Variants in SPECC1 observed in about 807,000 individuals in gnomAD.
SPECC1 encodes the protein sperm antigen with calponin homology and coiled-coil domains 1.
A neutral mutation model predicts 104.1 loss-of-function variants in SPECC1; 62 were observed. That is an observed-to-expected ratio of 0.60 (90% CI 0.49 to 0.74). The LOEUF (loss-of-function observed/expected upper bound fraction) is 0.74. SPECC1 is among the 30% of genes least tolerant of loss of function. The pLI is 0.00. For missense variants in SPECC1, 1,306 were observed against 1,310.5 expected (o/e 1.00, Z 0.05); for synonymous variants, 513 against 501.6 (o/e 1.02, Z -0.30).
rs929391165 is a variant in SPECC1 at position 20,230,816 on chromosome 17, T to C, written c.2072-942T>C. Among the ~76,000 whole-genome samples, 3 of 152,270 alleles carry C rather than the reference T, an allele frequency of 2.0e-5. 1 individual carries two copies. Among genetic ancestry groups the C allele is most frequent in the South Asian group, 2.1e-4 (1 of 4,828 alleles). On this transcript the variant is annotated intron_variant, in intron 5 of 14. Coordinates refer to ENST00000395527, the MANE Select transcript of SPECC1 (RefSeq NM_001243439.2). ...ATCACTTCTTCCTATAAGATCCTGA[T>C]GGGAAAGGAATGGACTGGAAAATAA...
chr17:20,010,633 G>C (rs1232043848), intron 1 of SPECC1, among the ~76,000 whole-genome samples: 1 of 152,206 alleles, frequency 6.6e-6, no homozygotes, highest in Non-Finnish European at 1.5e-5. Context: ...TTTTTCGCTT[G>C]ATTCGTTTGC....
Position 20,204,984 on chromosome 17 carries a change from C to G in SPECC1, c.935C>G (p.Ser312Ter). 5.0e-6 allele frequency: 8 copies of G among 1,614,198 alleles called. No individual in the cohort carries two copies. Among genetic ancestry groups the G allele is most frequent in the Non-Finnish European group, 6.8e-6 (8 of 1,180,036 alleles). ...KNIHGNALRT[S>*]GSSSSDVTKA... is the part of the protein sequence containing the mutation. Reference sequence around the variant, plus strand: ...ATACATGGAAATGCATTACGGACATCAGGCTCCTCAAGTAGCGATGTTACC... The same window carrying G: ...ATACATGGAAATGCATTACGGACATGAGGCTCCTCAAGTAGCGATGTTACC... The change falls in exon 4 of 15, where the codon TCA (serine) becomes TGA (stop). Residue 312 changes from serine to a stop codon, truncating the protein, a stop_gained. Coordinates refer to ENST00000395527, the MANE Select transcript of SPECC1 (RefSeq NM_001243439.2). LOFTEE classifies it high-confidence loss of function.
intron 1 of SPECC1, among the ~76,000 whole-genome samples, chr17:20,073,994 A>G (rs1279985584): frequency 6.6e-6 from 1 of 152,214 alleles, no homozygotes; most frequent in Non-Finnish European, 1.5e-5. Flanking sequence ...GCCAACTTCA[A>G]GTTAATATAT....
In SPECC1 at chr17:20,116,803, C is replaced by CTTTTTTTT. The variant is rs58127201; in HGVS notation, c.283+6264_283+6271dup. On this transcript the variant is annotated intron_variant, in intron 3 of 14. Transcript: ENST00000395527. ...GGGAACAATTGGCAGTGTCTGGAGA[C>CTTTTTTTT]TTTTTTTTTTTTTTTTTTTTTTTTT... Among the ~76,000 whole-genome samples, 35 of 50,424 alleles carry CTTTTTTTT rather than the reference C, an allele frequency of 6.9e-4. 11 individuals are homozygous for CTTTTTTTT. The highest frequency in any genetic ancestry group is 1.6e-3 in the South Asian group (2 of 1,280). 33.1% of individuals were successfully genotyped at this position (50,424 alleles called of 152,430 possible).
chr17:20,125,743 T>G (rs1036833722), intron 3 of SPECC1, among the ~76,000 whole-genome samples: 2 of 152,234 alleles, frequency 1.3e-5, no homozygotes, highest in Admixed American at 6.5e-5. Context: ...ATCGTCTGGA[T>G]AGCCACACTT....
chr17:20,227,435 T>C lies in SPECC1; in HGVS notation c.1886T>C (p.Leu629Pro). 1 of 1,612,328 alleles carries C rather than the reference T, an allele frequency of 6.2e-7. No homozygotes were observed. ...LAKVEKDYSY[L>P]KEICDHQAEQ... ...TAGGTGGAAAAGGATTATTCATACCTGAAGGAGATATGTGATCACCAAGCC... is the reference window on the plus strand; with the variant it reads ...TAGGTGGAAAAGGATTATTCATACCCGAAGGAGATATGTGATCACCAAGCC... Residue 629 changes from leucine (L) to proline (P), a missense_variant, in exon 5 of 15, where the codon CTG (leucine) becomes CCG (proline). By Grantham distance (98) the Leu-to-Pro change is moderately conservative. Coordinates refer to ENST00000395527, the MANE Select transcript of SPECC1 (RefSeq NM_001243439.2).
At chr17:20,011,732 G>A (rs902807333) in intron 1 of SPECC1, among the ~76,000 whole-genome samples, 2 of 151,998 alleles carry the variant, frequency 1.3e-5, no homozygotes, top group Non-Finnish European at 2.9e-5. Context: ...TCAGTCCTGT[G>A]AACAAGGCAA....
rs982226468 is a variant in SPECC1 at position 20,144,905 on chromosome 17, A to G, written c.283+34343A>G. ...AAGTACAGAGGTTTTTTTTGTGTGTATAGTTTTATAGTGATTGATATCAGT... is the reference window on the plus strand; with the variant it reads ...AAGTACAGAGGTTTTTTTTGTGTGTGTAGTTTTATAGTGATTGATATCAGT... On this transcript the variant is annotated intron_variant, in intron 3 of 14. Coordinates refer to ENST00000395527, the MANE Select transcript of SPECC1 (RefSeq NM_001243439.2). Among the ~76,000 whole-genome samples, 7 of 152,182 alleles carry G rather than the reference A, an allele frequency of 4.6e-5. No homozygotes were observed. The East Asian group carries it at 1.2e-3, about 25-fold the overall frequency.
Position 20,316,027 on chromosome 17 carries a change from A to T in SPECC1, c.*1962A>T, listed in dbSNP as rs1250325751. On this transcript the variant is annotated 3_prime_UTR_variant, in exon 15 of 15. Transcript: ENST00000395527. ...TTCCCCTGGCAGCCACAAGGCAGGC[A>T]GCCTGCGGGAGCTCCTGAGCAGCTG... 4.3e-6 allele frequency: 1 copy of T among 232,650 alleles called. No individual in the cohort carries two copies. The highest frequency in any genetic ancestry group is 8.5e-6 in the Non-Finnish European group (1 of 117,716). 14.4% of individuals were successfully genotyped at this position (232,650 alleles called of 1,614,324 possible).
At chr17:20,192,996 A>G (rs962388167) in intron 3 of SPECC1, among the ~76,000 whole-genome samples, 3 of 152,164 alleles carry the variant, frequency 2.0e-5, no homozygotes, top group Non-Finnish European at 4.4e-5. Flanking sequence ...AAAGGAATAA[A>G]AGAATGGCTA....
intron 12 of SPECC1, among the ~76,000 whole-genome samples, chr17:20,282,625 C>T (rs1221509594): frequency 6.6e-6 from 1 of 152,052 alleles, no homozygotes; most frequent in Non-Finnish European, 1.5e-5. Flanking sequence ...GTTGCCCTGC[C>T]TGACTGGAAA....
chr17:20,256,483 C>CT (rs1359653382), intron 10 of SPECC1, among the ~76,000 whole-genome samples: 5 of 152,146 alleles, frequency 3.3e-5, no homozygotes, highest in Non-Finnish European at 7.4e-5. Context: ...TTAGAGCTGA[C>CT]TAGCCTCACT....
At chr17:20,071,629 C>T (rs2046557392) in intron 1 of SPECC1, among the ~76,000 whole-genome samples, 2 of 152,114 alleles carry the variant, frequency 1.3e-5, no homozygotes, top group Non-Finnish European at 1.5e-5. Flanking sequence ...TCTTTTTTGT[C>T]ATTCAGTAAA....
At chr17:20,311,783 T>G (rs2041941194) in intron 14 of SPECC1, among the ~76,000 whole-genome samples, 1 of 152,156 alleles carries the variant, frequency 6.6e-6, no homozygotes, top group Non-Finnish European at 1.5e-5. Flanking sequence ...AGCTGTTGGT[T>G]TTTTATACAT....
chr17:20,244,406 A>C (rs1263205144), intron 7 of SPECC1, among the ~76,000 whole-genome samples: 2 of 152,228 alleles, frequency 1.3e-5, no homozygotes, highest in Non-Finnish European at 2.9e-5. Flanking sequence ...CAATAAAATT[A>C]TTTAAAAATT....
chr17:20,267,362 G>A (rs890759942), intron 12 of SPECC1, among the ~76,000 whole-genome samples: 3 of 152,158 alleles, frequency 2.0e-5, no homozygotes, highest in Admixed American at 6.5e-5. Context: ...TTTCTGTTAC[G>A]ATGGAGAGAT....
intron 3 of SPECC1, among the ~76,000 whole-genome samples, chr17:20,160,636 T>C (rs2033052094): frequency 6.6e-6 from 1 of 152,232 alleles, no homozygotes; most frequent in Non-Finnish European, 1.5e-5. Flanking sequence ...TCTAAATTAA[T>C]ATTTTGCTGT....
intron 3 of SPECC1, among the ~76,000 whole-genome samples, chr17:20,143,875 G>C (rs751061842): frequency 9.8e-5 from 15 of 152,338 alleles, no homozygotes; most frequent in Non-Finnish European, 2.1e-4. Flanking sequence ...GTGAGTGCCT[G>C]ATAGGCCTGT....
At chr17:20,030,467 G>A (rs7224373) in intron 1 of SPECC1, among the ~76,000 whole-genome samples, 10,503 of 151,526 alleles carry the variant, frequency 0.069, 985 homozygotes, top group African/African-American at 0.21. Flanking sequence ...TTTACTATCT[G>A]TAGTAATTTC....
Sources: allele counts gnomAD v4.1 joint callset (sites outside exome capture counted in the v4.1 genomes callset), GRCh38; gene constraint gnomAD v4.1.1; transcripts MANE v1.5; gene names NCBI Gene and HGNC (gene_info 2026-07-23, HGNC 2026-07-21).